Variants in NME7 observed in about 807,000 individuals in gnomAD.
The protein encoded by NME7 is NME/NM23 family member 7.
Under a neutral mutation model 49.1 loss-of-function variants are expected in NME7, and 41 were observed. The ratio of observed to expected loss-of-function variants is 0.83; its 90% CI spans 0.65 to 1.08. The LOEUF is 1.08. Ranked by LOEUF, NME7 falls within the 50% of genes least tolerant of loss-of-function variation. The probability of loss-of-function intolerance (pLI) is 0.00; values close to 1 mark genes in which losing one functional copy is unlikely to be tolerated. For missense variants in NME7, 423 were observed against 463.4 expected (o/e 0.91, Z 0.80); for synonymous variants, 139 against 150.6 (o/e 0.92, Z 0.56).
At chr1:169,266,114 G>A (rs1345437395) in intron 7 of NME7, among the ~76,000 whole-genome samples, 1 of 132,396 alleles carries the variant, frequency 7.6e-6, no homozygotes, top group Non-Finnish European at 1.8e-5. Context: ...CTCATTCTAT[G>A]AGGCCATCAT....
intron 10 of NME7, among the ~76,000 whole-genome samples, chr1:169,212,534 GAA>G (rs755319258): frequency 0.24 from 36,647 of 150,234 alleles, 5,410 homozygotes; most frequent in Non-Finnish European, 0.34. Flanking sequence ...AAATGAGGGT[GAA>G]CAAGGTGACA....
At chr1:169,142,060 C>A (rs1364828070) in intron 11 of NME7, among the ~76,000 whole-genome samples, 1 of 152,128 alleles carries the variant, frequency 6.6e-6, no homozygotes, top group African/African-American at 2.4e-5. Flanking sequence ...GGAGGAGAAG[C>A]TGGGGATTTG....
At chr1:169,367,151 AAAG>A (rs1030656236) in intron 1 of NME7, among the ~76,000 whole-genome samples, 9 of 151,956 alleles carry the variant, frequency 5.9e-5, no homozygotes, top group South Asian at 2.1e-4. Flanking sequence ...TTTAAAAAAA[AAAG>A]AAGAAGAAAG....
chr1:169,141,574 T>C (rs1292781629), intron 11 of NME7, among the ~76,000 whole-genome samples: 1 of 152,208 alleles, frequency 6.6e-6, no homozygotes, highest in Non-Finnish European at 1.5e-5. Context: ...TCATAAAGGA[T>C]GTTGTCAATT....
At chr1:169,164,158 A>G (rs1379002304) in intron 11 of NME7, among the ~76,000 whole-genome samples, 1 of 151,978 alleles carries the variant, frequency 6.6e-6, no homozygotes, top group Non-Finnish European at 1.5e-5. Flanking sequence ...TCTGGACGTC[A>G]GTATTTAGAA....
intron 10 of NME7, among the ~76,000 whole-genome samples, chr1:169,196,898 C>G (rs201505125): frequency 6.6e-6 from 1 of 152,138 alleles, no homozygotes; most frequent in East Asian, 1.9e-4. Context: ...TATATAAAAG[C>G]CTTTGATATA....
intron 11 of NME7, among the ~76,000 whole-genome samples, chr1:169,137,079 T>C (rs919920437): frequency 6.6e-6 from 1 of 152,256 alleles, no homozygotes; most frequent in Non-Finnish European, 1.5e-5. Context: ...GTCAGTTTGA[T>C]TGAAGTGCAA....
intron 10 of NME7, among the ~76,000 whole-genome samples, chr1:169,203,784 G>A (rs1660608414): frequency 6.6e-6 from 1 of 152,102 alleles, no homozygotes; most frequent in Non-Finnish European, 1.5e-5. Context: ...GAAGGCTAAT[G>A]ATGGTTAGCA....
At chr1:169,307,665 G>A (rs147287867) in intron 4 of NME7, among the ~76,000 whole-genome samples, 60 of 152,270 alleles carry the variant, frequency 3.9e-4, no homozygotes, top group African/African-American at 1.3e-3. Flanking sequence ...GACACTAGAA[G>A]TATAGAGACA....
chr1:169,223,316 GC>G (rs1396543232), intron 10 of NME7, among the ~76,000 whole-genome samples: 2 of 150,656 alleles, frequency 1.3e-5, no homozygotes, highest in African/African-American at 4.9e-5. Context: ...CTTATTGTCT[GC>G]CAGCCTATGT....
At chr1:169,190,399 CA>C (rs1354386382) in intron 10 of NME7, among the ~76,000 whole-genome samples, 1 of 151,002 alleles carries the variant, frequency 6.6e-6, no homozygotes, top group Admixed American at 6.6e-5. Flanking sequence ...TATAAAAAGA[CA>C]ATGGTTTGAG....
chr1:169,240,104 A>G (rs1366831713), intron 7 of NME7, among the ~76,000 whole-genome samples: 1 of 151,530 alleles, frequency 6.6e-6, no homozygotes, highest in Non-Finnish European at 1.5e-5. Context: ...GACAAGTGGT[A>G]GTTTCTTAGC....
intron 11 of NME7, among the ~76,000 whole-genome samples, chr1:169,154,510 G>T (rs1659007542): frequency 6.6e-6 from 1 of 151,594 alleles, no homozygotes; most frequent in South Asian, 2.1e-4. Context: ...TTTTTATTTT[G>T]AATTTGAAAA....
intron 6 of NME7, among the ~76,000 whole-genome samples, chr1:169,289,900 C>T (rs1650432735): frequency 1.3e-5 from 2 of 151,952 alleles, no homozygotes; most frequent in South Asian, 2.1e-4. Flanking sequence ...AATATCCAGG[C>T]TTCTTTGGGA....
At chr1:169,235,074 G>T in intron 9 of NME7, 57 bp downstream of exon 9, 1 of 952,756 alleles carries the variant, frequency 1.0e-6, no homozygotes, top group Non-Finnish European at 1.6e-6. Flanking sequence ...CCAAAACACT[G>T]CATCCTATAC....
At chr1:169,184,831 A>T (rs931974565) in intron 10 of NME7, among the ~76,000 whole-genome samples, 32 of 152,188 alleles carry the variant, frequency 2.1e-4, no homozygotes, top group African/African-American at 7.5e-4. Context: ...AAACAACAAT[A>T]AAAAACAGAT....
intron 10 of NME7, among the ~76,000 whole-genome samples, chr1:169,220,384 A>C (rs1387591932): frequency 6.6e-6 from 1 of 152,162 alleles, no homozygotes; most frequent in African/African-American, 2.4e-5. Context: ...AGAGTGATTA[A>C]CCATCCCACT....
intron 1 of NME7, among the ~76,000 whole-genome samples, chr1:169,339,800 G>A (rs1338080158): frequency 6.6e-6 from 1 of 152,194 alleles, no homozygotes; most frequent in Non-Finnish European, 1.5e-5. Flanking sequence ...TTTTACATGG[G>A]TTTGGCCAGT....
chr1:169,169,373 T>C, intron 11 of NME7, 74 bp downstream of exon 11: 3 of 1,339,994 alleles, frequency 2.2e-6, no homozygotes, highest in Non-Finnish European at 2.1e-6. Flanking sequence ...CAAAAAGTTT[T>C]CTTACACATC....
Sources: gnomAD v4.1 joint callset for allele counts (sites outside exome capture counted in the v4.1 genomes callset) on GRCh38, gnomAD v4.1.1 for gene constraint, MANE v1.5 for transcripts, NCBI Gene and HGNC (gene_info 2026-07-23, HGNC 2026-07-21) for gene names.